The following MRPS11 variants were observed in gnomAD, a reference collection of about 807,000 sequenced individuals.
MRPS11 encodes the protein small ribosomal subunit protein uS11m.
A neutral mutation model predicts 24.3 loss-of-function variants in MRPS11; 27 were observed. The ratio of observed to expected loss-of-function variants is 1.11; its 90% CI spans 0.82 to 1.53. The LOEUF (loss-of-function observed/expected upper bound fraction) is 1.53. Ranked by LOEUF, MRPS11 falls within the 40% of genes most tolerant of loss-of-function variation. MRPS11 has a pLI of 0.00. For missense variants in MRPS11, 277 were observed against 256.5 expected, an observed-to-expected ratio of 1.08 and a Z score of -0.55; for synonymous variants, 104 against 98.7, an observed-to-expected ratio of 1.05 and a Z score of -0.32.
At chr15:88,468,907 GGC>G (rs2055619607) in intron 2 of MRPS11, 2 of 152,096 alleles carry the variant, frequency 1.3e-5, no homozygotes, top group East Asian at 3.9e-4. Context: ...CCACTCAGGA[GGC>G]TGAAGTAGAA....
At position 88,478,154 on chromosome 15, in the gene MRPS11, G is replaced by A. The variant is rs1412208578; in HGVS notation, c.*175G>A. 1 of 609,278 alleles carries A rather than the reference G, an allele frequency of 1.6e-6. No homozygotes were observed. Among genetic ancestry groups the A allele is most frequent in the African/African-American group, 1.8e-5 (1 of 54,106 alleles). 37.7% of individuals were successfully genotyped at this position (609,278 alleles called of 1,614,324 possible). A position where few individuals can be genotyped will look rare whatever the true frequency, so the allele number is the denominator to read the frequency against. ...TGCTTGCACCTCCAGCTGGAGATGG[G>A]TGTGCCCCAGAAGTAAGCTTTGCAT... On this transcript the variant is annotated 3_prime_UTR_variant, in exon 6 of 6. Transcript: ENST00000325844. This position sits in a 1 kb window ranked among gnomAD's most constrained non-coding sequence, Gnocchi z 4.7.
At chr15:88,476,780 A>C (rs1268474013) in intron 4 of MRPS11, 1 of 579,812 alleles carries the variant, frequency 1.7e-6, no homozygotes, top group African/African-American at 1.9e-5. Flanking sequence ...TAAACAGATC[A>C]CAGTCACGTG....
At chr15:88,472,472 G>A in intron 2 of MRPS11, 155 bp from the exon 3 acceptor site, 1 of 601,832 alleles carries the variant, frequency 1.7e-6, no homozygotes, top group South Asian at 2.0e-5. Context: ...CACACATGCG[G>A]TGGTGGCACC....
chr15:88,470,860 A>G (rs28455976), intron 2 of MRPS11, among the ~76,000 whole-genome samples: 10,264 of 152,206 alleles, frequency 0.067, 1,198 homozygotes, highest in African/African-American at 0.23. Context: ...AGCTCCCAGG[A>G]GGTGGGTTCA....
At position 88,475,086 on chromosome 15, in the gene MRPS11, A is replaced by T. The variant is rs764400882; in HGVS notation, c.282-24A>T. On this transcript the variant is annotated intron_variant, in intron 3 of 5. Transcript: ENST00000325844. This position sits in a 1 kb window ranked among gnomAD's most constrained non-coding sequence, Gnocchi z 4.1. ...TTTCCCTGAAGAAGAGTTGTATCCTATGTGCTTCTTCTACTTTTCTCAGCA... is the reference window on the plus strand; with the variant it reads ...TTTCCCTGAAGAAGAGTTGTATCCTTTGTGCTTCTTCTACTTTTCTCAGCA... 6.2e-7 allele frequency: 1 copy of T among 1,613,712 alleles called. No individual in the cohort carries two copies. Among genetic ancestry groups the T allele is most frequent in the Non-Finnish European group, 8.5e-7 (1 of 1,179,810 alleles).
chr15:88,468,903 A>C (rs929584408), intron 2 of MRPS11: 3 of 151,976 alleles, frequency 2.0e-5, no homozygotes, highest in African/African-American at 7.3e-5. Flanking sequence ...CCAGCCACTC[A>C]GGAGGCTGAA....
At position 88,477,753 on chromosome 15, in the gene MRPS11, C is replaced by T; in HGVS notation, c.478-119C>T. On this transcript the variant is annotated intron_variant, in intron 5 of 5. Coordinates refer to ENST00000325844, the MANE Select transcript of MRPS11 (RefSeq NM_022839.5). The surrounding 1 kb of genome is among the most constrained non-coding windows in gnomAD (Gnocchi z 5.7). ...GATTATAGGTATCAAAGCCAGTGAGCATCTCACCCCTCCGTTCCCTTCTCT... is the reference window on the plus strand; with the variant it reads ...GATTATAGGTATCAAAGCCAGTGAGTATCTCACCCCTCCGTTCCCTTCTCT... 1 of 797,184 alleles carries T rather than the reference C, an allele frequency of 1.3e-6. No homozygotes were observed. The highest frequency in any genetic ancestry group is 2.1e-6 in the Non-Finnish European group (1 of 468,170). The allele number at this position is 797,184 out of a possible 1,614,324, so 49.4% of individuals were successfully genotyped here.
Position 88,475,263 on chromosome 15 carries a change from C to G in MRPS11, c.411+24C>G. ...CGGTAAGTGTGTGTTCCTTCTGCTT[C>G]CTTCTAGTGTGTGTTTGCTTTCTGC... On this transcript the variant is annotated intron_variant, in intron 4 of 5. Transcript: ENST00000325844. The surrounding 1 kb of genome is among the most constrained non-coding windows in gnomAD (Gnocchi z 4.1). 6.2e-7 allele frequency: 1 copy of G among 1,613,712 alleles called. No homozygotes were observed. Among genetic ancestry groups the G allele is most frequent in the African/African-American group, 1.3e-5 (1 of 75,050 alleles).
rs532777033 is a variant in MRPS11 at position 88,470,757 on chromosome 15, A to G, written c.183-1870A>G. Among the ~76,000 whole-genome samples the G allele has an allele frequency of 3.9e-5, 6 of 152,362 alleles. No homozygotes were observed. The East Asian group carries it at 5.8e-4, about 15-fold the overall frequency. ...TGATTGAAATGGGTTCAAGGAGAAT[A>G]GAAGCAGAGGATAGGAAGAAACAGC... On this transcript the variant is annotated intron_variant, in intron 2 of 5. Coordinates refer to ENST00000325844, the MANE Select transcript of MRPS11 (RefSeq NM_022839.5).
intron 3 of MRPS11, among the ~76,000 whole-genome samples, chr15:88,473,153 G>A (rs185688498): frequency 2.4e-4 from 36 of 152,296 alleles, no homozygotes; most frequent in Admixed American, 2.4e-3. Flanking sequence ...CCTCTAAATA[G>A]ATATTGTCCC....
intron 2 of MRPS11, among the ~76,000 whole-genome samples, chr15:88,471,106 C>T (rs546893606): frequency 1.3e-5 from 2 of 152,296 alleles, no homozygotes; most frequent in African/African-American, 4.8e-5. Flanking sequence ...CTGATTGCTT[C>T]TATTCCCCTG....
intron 2 of MRPS11, 200 bp downstream of exon 2, chr15:88,468,224 G>C (rs2055596380): frequency 7.0e-7 from 1 of 1,418,448 alleles, no homozygotes; most frequent in African/African-American, 1.4e-5. Context: ...GATGAGCCGT[G>C]GTACAGAGTA....
rs1020287724 is a variant in MRPS11 at position 88,475,320 on chromosome 15, A to G, written c.411+81A>G. 7.0e-6 allele frequency: 11 copies of G among 1,570,406 alleles called. No homozygotes were observed. The highest frequency in any genetic ancestry group is 9.5e-6 in the Non-Finnish European group (11 of 1,154,990). The stretch of plus-strand genomic sequence containing the variant: ...CATCACTGAGTGGAGAATCCTCATT[A>G]TACTACCCATTCAGAAGCAAGGGTT... On this transcript the variant is annotated intron_variant, in intron 4 of 5. Transcript: ENST00000325844. The surrounding 1 kb of genome is among the most constrained non-coding windows in gnomAD (Gnocchi z 4.1).
rs997842700 is a variant in MRPS11 at position 88,469,519 on chromosome 15, G to A, written c.182+1495G>A. Among the ~76,000 whole-genome samples the A allele has an allele frequency of 1.3e-5, 2 of 152,172 alleles. No homozygotes were observed. Among genetic ancestry groups the A allele is most frequent in the Non-Finnish European group, 2.9e-5 (2 of 68,016 alleles). ...GAAAGGGGAAGTGGGGGTCAAGCAG[G>A]CCTGCATAGCCACATTCTGTAGGAC... On this transcript the variant is annotated intron_variant, in intron 2 of 5. Transcript: ENST00000325844. The surrounding 1 kb of genome is among the most constrained non-coding windows in gnomAD (Gnocchi z 4.4).
chr15:88,473,986 G>T (rs1042511262), intron 3 of MRPS11, among the ~76,000 whole-genome samples: 1 of 152,200 alleles, frequency 6.6e-6, no homozygotes, highest in African/African-American at 2.4e-5. Flanking sequence ...AGACCAGCCT[G>T]GGCAACATAG....
Position 88,478,985 on chromosome 15 carries a change from A to G in MRPS11, c.*1006A>G, listed in dbSNP as rs2055879327. On this transcript the variant is annotated 3_prime_UTR_variant, in exon 6 of 6. Transcript: ENST00000325844. The surrounding 1 kb of genome is among the most constrained non-coding windows in gnomAD (Gnocchi z 4.7). ...GCCCAGGTGACAGCGAGACTGTCTC[A>G]AAAAAATAAATAAATATAAATAAAA... 1 of 151,632 alleles carries G rather than the reference A, an allele frequency of 6.6e-6. No individual in the cohort carries two copies. The highest frequency in any genetic ancestry group is 2.4e-5 in the African/African-American group (1 of 41,334). The allele number at this position is 151,632 out of a possible 1,614,324, so 9.4% of individuals were successfully genotyped here.
intron 3 of MRPS11, among the ~76,000 whole-genome samples, chr15:88,473,256 T>A (rs1237797312): frequency 6.6e-6 from 1 of 152,234 alleles, no homozygotes; most frequent in East Asian, 1.9e-4. Context: ...AAGACTAGTG[T>A]TCTTGTGTGG....
At chr15:88,474,921 T>G in intron 3 of MRPS11, 189 bp from the exon 4 acceptor site, 1 of 612,004 alleles carries the variant, frequency 1.6e-6, no homozygotes. Context: ...TCAGTCAGGT[T>G]TAGGGGAGAA....
chr15:88,467,771 C>G lies in MRPS11; in HGVS notation c.54C>G (p.Pro18=). 6.2e-7 allele frequency: 1 copy of G among 1,614,050 alleles called. No individual in the cohort carries two copies. Among genetic ancestry groups the G allele is most frequent in the Non-Finnish European group, 8.5e-7 (1 of 1,180,022 alleles). The change falls in exon 1 of 6, where the codon CCC becomes CCG. Residue 18 remains proline, a synonymous_variant. Transcript: ENST00000325844. ...GGTTCCTGCGGTCCTGGACTTGGCC[C>G]CAGACAGCCGGGTAACAAATGACTG... is the stretch of plus-strand genomic sequence containing the variant. ...GSRFLRSWTW[P]QTAGRVVART...
Sources: gnomAD v4.1 joint callset for allele counts (sites outside exome capture counted in the v4.1 genomes callset) on GRCh38, gnomAD v4.1.1 for gene constraint, Gnocchi (gnomAD v3.1) non-coding constraint, MANE v1.5 for transcripts, NCBI Gene and HGNC (gene_info 2026-07-23, HGNC 2026-07-21) for gene names.